The following IL1RAPL1 variants were observed in gnomAD, a reference collection of about 807,000 sequenced individuals.
IL1RAPL1 encodes the protein interleukin 1 receptor accessory protein like 1.
In IL1RAPL1, 3 loss-of-function variants were observed where a neutral mutation model predicts 48.4. The ratio of observed to expected loss-of-function variants is 0.06; its 90% confidence interval spans 0.03 to 0.16. IL1RAPL1 has a LOEUF of 0.16. IL1RAPL1 is among the 10% of genes least tolerant of loss of function. IL1RAPL1 has a pLI of 1.00. For synonymous variants in IL1RAPL1, 185 were observed against 187.7 expected (o/e 0.99, Z 0.12); for missense variants, 349 against 530.6 (o/e 0.66, Z 3.36).
chrX:29,101,481 A>G (rs1227151506), intron 2 of IL1RAPL1, among the ~76,000 whole-genome samples: 1 of 111,726 alleles, frequency 9.0e-6, no homozygotes, highest in Non-Finnish European at 1.9e-5. Context: ...AGGATGAGGA[A>G]ATACTTCCAA....
intron 2 of IL1RAPL1, among the ~76,000 whole-genome samples, chrX:28,846,614 A>C (rs112042625): frequency 0.02 from 2,257 of 111,820 alleles, 62 homozygotes; most frequent in African/African-American, 0.07. Flanking sequence ...AATTTTGGCT[A>C]TTCTAATAGG....
intron 2 of IL1RAPL1, among the ~76,000 whole-genome samples, chrX:28,939,503 A>G (rs1924110557): frequency 9.0e-6 from 1 of 110,593 alleles, no homozygotes; most frequent in African/African-American, 3.3e-5. Context: ...GACACAAAGA[A>G]GGTAACAACA....
intron 5 of IL1RAPL1, among the ~76,000 whole-genome samples, chrX:29,432,447 G>A (rs1470439712): frequency 1.8e-5 from 2 of 110,786 alleles, no homozygotes; most frequent in Non-Finnish European, 3.8e-5. Flanking sequence ...CTGCACATAT[G>A]GCCTCATCTC....
chrX:28,676,868 TTC>T (rs1935003512), intron 1 of IL1RAPL1, among the ~76,000 whole-genome samples: 1 of 111,819 alleles, frequency 8.9e-6, no homozygotes, highest in Admixed American at 9.5e-5. Context: ...CCAATTCTTT[TTC>T]TCTTATACGT....
At chrX:29,738,450 C>CTTTTTTTTTTT (rs59952038) in intron 6 of IL1RAPL1, among the ~76,000 whole-genome samples, 56 of 86,093 alleles carry the variant, frequency 6.5e-4, no homozygotes, top group Admixed American at 9.0e-4. Context: ...CTTTTCTTTT[C>CTTTTTTTTTTT]TTTTTTTTTT....
Position 29,100,114 on chromosome X carries a change from A to C in IL1RAPL1, c.83-182824A>C, listed in dbSNP as rs189612392. Among the ~76,000 whole-genome samples, 65 of 111,190 alleles carry C rather than the reference A, an allele frequency of 5.8e-4. 1 individual carries two copies. In the East Asian group the frequency reaches 0.018, roughly 31 times the overall value. On this transcript the variant is annotated intron_variant, in intron 2 of 10. Coordinates refer to ENST00000378993, the MANE Select transcript of IL1RAPL1 (RefSeq NM_014271.4). ...GTAATGCCAGCTACTTGGGAGGCTG[A>C]GGCAGGAGAATCACTTGAACCCGGG...
chrX:29,793,752 A>G (rs1463638685), intron 6 of IL1RAPL1, among the ~76,000 whole-genome samples: 3 of 112,390 alleles, frequency 2.7e-5, no homozygotes, highest in African/African-American at 9.7e-5. Flanking sequence ...ATTAAAACAT[A>G]CTCTCAACAT....
chrX:28,895,637 A>T (rs1185224121), intron 2 of IL1RAPL1, among the ~76,000 whole-genome samples: 3 of 111,307 alleles, frequency 2.7e-5, no homozygotes, highest in African/African-American at 9.8e-5. Context: ...AGTTGGCACC[A>T]GAGTTGGGGA....
At chrX:29,479,585 C>G (rs1209109725) in intron 5 of IL1RAPL1, among the ~76,000 whole-genome samples, 1 of 108,325 alleles carries the variant, frequency 9.2e-6, no homozygotes, top group Admixed American at 9.9e-5. Flanking sequence ...AGGATTAGTT[C>G]CATAGTGGTG....
intron 2 of IL1RAPL1, among the ~76,000 whole-genome samples, chrX:29,229,712 T>C (rs1386866278): frequency 8.9e-6 from 1 of 112,405 alleles, no homozygotes; most frequent in Non-Finnish European, 1.9e-5. Flanking sequence ...AATGCCAGCA[T>C]AAATTTCTCA....
chrX:29,519,897 C>A (rs1457333102), intron 5 of IL1RAPL1, among the ~76,000 whole-genome samples: 1 of 111,625 alleles, frequency 9.0e-6, no homozygotes, highest in African/African-American at 3.3e-5. Context: ...TTCATTAATA[C>A]CATTTATTGG....
chrX:28,925,907 G>A (rs1923729746), intron 2 of IL1RAPL1, among the ~76,000 whole-genome samples: 1 of 111,770 alleles, frequency 8.9e-6, no homozygotes, highest in South Asian at 3.8e-4. Context: ...GCGACAGAGT[G>A]AGACTCTGTC....
chrX:28,869,561 G>A (rs1244970207), intron 2 of IL1RAPL1, among the ~76,000 whole-genome samples: 1 of 111,623 alleles, frequency 9.0e-6, no homozygotes, highest in Non-Finnish European at 1.9e-5. Flanking sequence ...AAAACTTATT[G>A]GAGTAGAAAA....
intron 2 of IL1RAPL1, among the ~76,000 whole-genome samples, chrX:28,983,150 G>A (rs1925383387): frequency 8.9e-6 from 1 of 112,049 alleles, no homozygotes; most frequent in Non-Finnish European, 1.9e-5. Flanking sequence ...CTTTGCTGAA[G>A]TGTCCATCTC....
chrX:28,985,752 C>T (rs561170278), intron 2 of IL1RAPL1, among the ~76,000 whole-genome samples: 5 of 107,588 alleles, frequency 4.6e-5, no homozygotes, highest in African/African-American at 1.0e-4. Context: ...CTCCGCCTCC[C>T]GGGTTCACGC....
intron 5 of IL1RAPL1, among the ~76,000 whole-genome samples, chrX:29,453,941 G>A (rs59169505): frequency 0.075 from 8,357 of 112,004 alleles, 454 homozygotes; most frequent in African/African-American, 0.19. Flanking sequence ...TTTGAATTGG[G>A]TATTTAACTC....
chrX:29,467,713 A>G (rs754309068), intron 5 of IL1RAPL1, among the ~76,000 whole-genome samples: 155 of 112,153 alleles, frequency 1.4e-3, no homozygotes, highest in African/African-American at 4.6e-3. Context: ...ACGCAATAAA[A>G]TACTTCAATA....
intron 6 of IL1RAPL1, among the ~76,000 whole-genome samples, chrX:29,781,305 G>A (rs1451839364): frequency 8.9e-6 from 1 of 111,776 alleles, no homozygotes; most frequent in African/African-American, 3.3e-5. Flanking sequence ...CAGAGAAGGG[G>A]CATCTTGTTA....
intron 6 of IL1RAPL1, among the ~76,000 whole-genome samples, chrX:29,792,896 G>T (rs765351478): frequency 9.0e-6 from 1 of 111,705 alleles, no homozygotes; most frequent in Non-Finnish European, 1.9e-5. Context: ...TTAGAAAGCA[G>T]ATGTAATTAA....
Sources: allele counts gnomAD v4.1 joint callset (sites outside exome capture counted in the v4.1 genomes callset), GRCh38; gene constraint gnomAD v4.1.1; transcripts MANE v1.5; gene names NCBI Gene and HGNC (gene_info 2026-07-23, HGNC 2026-07-21).